Variants in DPP6 observed in about 807,000 individuals in gnomAD.
The protein encoded by DPP6 is dipeptidyl peptidase like 6, also known as A-type potassium channel modulatory protein DPP6.
DPP6 carries 69 observed loss-of-function variants against 122.6 expected under a neutral mutation model. That is an observed-to-expected ratio of 0.56 (90% CI 0.46 to 0.69). The LOEUF is 0.69. Among genes scored for constraint, DPP6 ranks in the 30% least tolerant of loss-of-function variants. The pLI is 0.00. For synonymous variants in DPP6, 418 were observed against 433.1 expected, an observed-to-expected ratio of 0.97 and a Z score of 0.43; for missense variants, 928 against 1,116.9, an observed-to-expected ratio of 0.83 and a Z score of 2.41.
At chr7:154,475,938 G>A (rs572174529) in intron 3 of DPP6, 2 of 152,390 alleles carry the variant, frequency 1.3e-5, no homozygotes, top group Non-Finnish European at 2.9e-5. Context: ...GAGCTGATGA[G>A]TGCGAGCTGT....
chr7:154,586,642 C>G (rs1832470399), intron 5 of DPP6, among the ~76,000 whole-genome samples: 1 of 152,216 alleles, frequency 6.6e-6, no homozygotes, highest in Non-Finnish European at 1.5e-5. Flanking sequence ...TCTAGATTAG[C>G]TAAGCCAGAA....
intron 1 of DPP6, among the ~76,000 whole-genome samples, chr7:154,411,638 C>T (rs538077318): frequency 6.6e-6 from 1 of 152,290 alleles, no homozygotes; most frequent in Non-Finnish European, 1.5e-5. Flanking sequence ...TTCTACCCCA[C>T]AAGACAGAGT....
intron 1 of DPP6, among the ~76,000 whole-genome samples, chr7:154,350,519 T>A (rs991356866): frequency 1.3e-5 from 2 of 152,136 alleles, no homozygotes; most frequent in Non-Finnish European, 2.9e-5. Context: ...ATGGAGACAT[T>A]CATGATGGGG....
intron 1 of DPP6, among the ~76,000 whole-genome samples, chr7:154,070,525 A>G (rs1803042425): frequency 1.3e-5 from 2 of 152,188 alleles, no homozygotes; most frequent in South Asian, 2.1e-4. Context: ...GCTTGCCTCT[A>G]ATATACATGC....
chr7:154,814,352 A>G (rs564188313), intron 16 of DPP6, among the ~76,000 whole-genome samples: 2 of 152,094 alleles, frequency 1.3e-5, no homozygotes, highest in Non-Finnish European at 2.9e-5. Flanking sequence ...ACCCCTATAC[A>G]TTCTCCAAGA....
intron 7 of DPP6, among the ~76,000 whole-genome samples, chr7:154,708,824 G>A (rs984322254): frequency 7.2e-5 from 11 of 152,180 alleles, no homozygotes; most frequent in African/African-American, 2.4e-4. Flanking sequence ...GAGACAGACG[G>A]AATACCTGAG....
At chr7:153,831,929 G>C in the DPP6 span, among the ~76,000 whole-genome samples, 1 of 152,212 alleles carries the variant, frequency 6.6e-6, no homozygotes, top group Non-Finnish European at 1.5e-5. Flanking sequence ...AAGCAGAGGA[G>C]AAGCGGTCTG....
chr7:154,060,028 C>G (rs1056307435), intron 1 of DPP6, among the ~76,000 whole-genome samples: 173 of 151,722 alleles, frequency 1.1e-3, no homozygotes, highest in African/African-American at 4.0e-3. Context: ...GAGGCACCCC[C>G]CGCGAGGCGG....
chr7:153,859,388 T>C, the DPP6 span, among the ~76,000 whole-genome samples: 17 of 152,348 alleles, frequency 1.1e-4, 1 homozygote, highest in Admixed American at 9.8e-4. Flanking sequence ...AATGTAAGGC[T>C]AGTTATCACA....
chr7:153,936,716 C>G (rs1302031045), intron 1 of DPP6, among the ~76,000 whole-genome samples: 2 of 151,776 alleles, frequency 1.3e-5, no homozygotes, highest in African/African-American at 4.8e-5. Context: ...GAGGCTGAGG[C>G]AGGAAAATGG....
intron 1 of DPP6, among the ~76,000 whole-genome samples, chr7:154,180,735 C>T (rs1289289954): frequency 4.0e-5 from 6 of 151,720 alleles, no homozygotes; most frequent in Non-Finnish European, 8.8e-5. Context: ...AAAATTCTTG[C>T]TAGGAAGAAG....
intron 4 of DPP6, among the ~76,000 whole-genome samples, chr7:154,549,988 A>T (rs2130363576): frequency 6.6e-6 from 1 of 152,310 alleles, no homozygotes; most frequent in African/African-American, 2.4e-5. Flanking sequence ...TTTATTTATA[A>T]TTTTTAGAAA....
intron 7 of DPP6, among the ~76,000 whole-genome samples, chr7:154,711,570 A>T (rs1841180945): frequency 6.6e-6 from 1 of 152,236 alleles, no homozygotes; most frequent in Non-Finnish European, 1.5e-5. Context: ...AGGAAATTGC[A>T]TTAAACAGTG....
intron 1 of DPP6, among the ~76,000 whole-genome samples, chr7:154,102,125 G>A (rs1805776515): frequency 1.3e-5 from 2 of 152,068 alleles, no homozygotes; most frequent in South Asian, 4.2e-4. Flanking sequence ...AGGACTTTGA[G>A]GCTTTATGGG....
chr7:154,074,104 G>GATAGATAGATATATATAGATATCTAT (rs1266353145), intron 1 of DPP6, among the ~76,000 whole-genome samples: 2 of 81,960 alleles, frequency 2.4e-5, no homozygotes, highest in South Asian at 4.2e-4. Context: ...TCTATATAGA[G>GATAGATAGATATATATAGATATCTAT]ATAGAGAGAT....
chr7:154,598,405 T>C (rs991584295), intron 5 of DPP6, among the ~76,000 whole-genome samples: 2 of 152,214 alleles, frequency 1.3e-5, no homozygotes, highest in Non-Finnish European at 2.9e-5. Flanking sequence ...ACGTTATTTG[T>C]TGCAGACAGC....
intron 16 of DPP6, among the ~76,000 whole-genome samples, chr7:154,844,072 A>G (rs2150558126): frequency 6.6e-6 from 1 of 152,390 alleles, no homozygotes; most frequent in African/African-American, 2.4e-5. Context: ...GAAGAATAGC[A>G]GCTAAGTGGA....
chr7:154,401,813 C>A (rs1815629432), intron 1 of DPP6, among the ~76,000 whole-genome samples: 2 of 152,074 alleles, frequency 1.3e-5, no homozygotes, highest in African/African-American at 4.8e-5. Flanking sequence ...AACAGGCAGC[C>A]TACAAAATGG....
chr7:154,556,151 G>T (rs1191598359), intron 4 of DPP6, among the ~76,000 whole-genome samples: 2 of 152,072 alleles, frequency 1.3e-5, no homozygotes, highest in African/African-American at 4.8e-5. Context: ...AATAGCTAAC[G>T]CTTTGAATAC....
Sources: allele counts gnomAD v4.1 joint callset (sites outside exome capture counted in the v4.1 genomes callset), GRCh38; gene constraint gnomAD v4.1.1; transcripts MANE v1.5; gene names NCBI Gene and HGNC (gene_info 2026-07-23, HGNC 2026-07-21).